The following ZDHHC2 variants were observed in gnomAD, a reference collection of about 807,000 sequenced individuals.
The protein encoded by ZDHHC2 is zDHHC palmitoyltransferase 2, also known as palmitoyltransferase ZDHHC2.
Under a neutral mutation model 55.6 loss-of-function variants are expected in ZDHHC2, and 51 were observed. The observed-to-expected ratio is 0.92, with a 90% CI of 0.73 to 1.16. The LOEUF is 1.16. Ranked by LOEUF, ZDHHC2 falls within the 50% of genes most tolerant of loss-of-function variation. The probability of loss-of-function intolerance (pLI) is 0.00; values close to 1 mark genes in which losing one functional copy is unlikely to be tolerated. For missense variants in ZDHHC2, 491 were observed against 442.4 expected, an observed-to-expected ratio of 1.11 and a Z score of -0.99; for synonymous variants, 199 against 152.9, an observed-to-expected ratio of 1.30 and a Z score of -2.22.
chr8:17,158,419 A>C (rs950764354), intron 1 of ZDHHC2, among the ~76,000 whole-genome samples: 1 of 152,208 alleles, frequency 6.6e-6, no homozygotes, highest in Non-Finnish European at 1.5e-5. Flanking sequence ...GTATTATCAC[A>C]TTAAGCTAAG....
intron 5 of ZDHHC2, among the ~76,000 whole-genome samples, 182 bp from the exon 6 acceptor site, chr8:17,198,199 T>C (rs958599578): frequency 1.3e-5 from 2 of 152,216 alleles, no homozygotes; most frequent in African/African-American, 2.4e-5. Context: ...ATTATAAGAA[T>C]TGGCTATAGG....
intron 10 of ZDHHC2, among the ~76,000 whole-genome samples, chr8:17,211,850 T>C (rs1807398599): frequency 6.6e-6 from 1 of 152,148 alleles, no homozygotes; most frequent in African/African-American, 2.4e-5. Flanking sequence ...GCTAAATGTT[T>C]ATGGTTTTTC....
At chr8:17,183,531 A>C (rs1805542604) in intron 1 of ZDHHC2, among the ~76,000 whole-genome samples, 3 of 152,230 alleles carry the variant, frequency 2.0e-5, no homozygotes, top group Admixed American at 2.0e-4. Context: ...TCTGGAGATC[A>C]GAAATGTTAA....
At position 17,156,710 on chromosome 8, in the gene ZDHHC2, G is replaced by A. The variant is rs1253840612; in HGVS notation, c.-14G>A. Reference sequence around the variant, plus strand: ...GGGCGGCGGCGGAGCTGGGCAGGTGGATGCGGCTGGAAGATGGCGCCCTCG... The same window carrying A: ...GGGCGGCGGCGGAGCTGGGCAGGTGAATGCGGCTGGAAGATGGCGCCCTCG... On this transcript the variant is annotated 5_prime_UTR_variant, in exon 1 of 13. Coordinates refer to ENST00000262096, the MANE Select transcript of ZDHHC2 (RefSeq NM_016353.5). 8 of 1,455,918 alleles carry A rather than the reference G, an allele frequency of 5.5e-6. No homozygotes were observed. The highest frequency in any genetic ancestry group is 1.5e-5 in the African/African-American group (1 of 67,370). 90.2% of individuals were successfully genotyped at this position (1,455,918 alleles called of 1,614,324 possible).
intron 8 of ZDHHC2, among the ~76,000 whole-genome samples, chr8:17,209,431 G>A (rs1807263493): frequency 6.6e-6 from 1 of 152,108 alleles, no homozygotes; most frequent in Admixed American, 6.6e-5. Flanking sequence ...AGGCTACAGT[G>A]AGCTATGATC....
In ZDHHC2 at chr8:17,207,959, G is replaced by T; in HGVS notation, c.598-1G>T. 6.6e-7 allele frequency: 1 copy of T among 1,515,712 alleles called. No homozygotes were observed. The highest frequency in any genetic ancestry group is 8.9e-7 in the Non-Finnish European group (1 of 1,128,800). The allele number at this position is 1,515,712 out of a possible 1,614,324, so 93.9% of individuals were successfully genotyped here. ...ATGTTATTTTCTTCCTTTCTTTATA[G>T]AATGGCCTACCTGATACTCAAGCCA... On this transcript the variant is annotated splice_acceptor_variant, in intron 7 of 12. Coordinates refer to ENST00000262096, the MANE Select transcript of ZDHHC2 (RefSeq NM_016353.5). LOFTEE classifies it high-confidence loss of function.
In ZDHHC2 at chr8:17,204,502, A is replaced by G. The variant is rs1165571907; in HGVS notation, c.477-1153A>G. On this transcript the variant is annotated intron_variant, in intron 6 of 12. Transcript: ENST00000262096. ...CAATTCCACATGGGTGATGTATCAC[A>G]TTGACACAAGGTCATCCAGTAGTGC... is the stretch of plus-strand genomic sequence containing the variant. 2.6e-5 allele frequency among the ~76,000 whole-genome samples: 4 copies of G among 152,380 alleles called. No individual in the cohort carries two copies. In the East Asian group the frequency reaches 5.8e-4, roughly 22 times the overall value.
intron 10 of ZDHHC2, among the ~76,000 whole-genome samples, chr8:17,213,049 C>G (rs1436751071): frequency 6.6e-6 from 1 of 152,004 alleles, no homozygotes; most frequent in Non-Finnish European, 1.5e-5. Context: ...CTTGCTGTTC[C>G]TCACATGGAC....
In ZDHHC2 at chr8:17,223,993, A is replaced by T. The variant is rs1043476530; in HGVS notation, c.*3772A>T. 4 of 151,698 alleles carry T rather than the reference A, an allele frequency of 2.6e-5. No homozygotes were observed. Among genetic ancestry groups the T allele is most frequent in the African/African-American group, 4.8e-5 (2 of 41,410 alleles). 9.4% of individuals were successfully genotyped at this position (151,698 alleles called of 1,614,324 possible). On this transcript the variant is annotated 3_prime_UTR_variant, in exon 13 of 13. Transcript: ENST00000262096. ...TGAATATGAAGTATCTCCCAGAACA[A>T]TGTTGAGTGTTTCAGGAGACTCTGA... is the stretch of plus-strand genomic sequence containing the variant.
At chr8:17,216,500 A>C (rs1395572856) in intron 11 of ZDHHC2, among the ~76,000 whole-genome samples, 2 of 152,200 alleles carry the variant, frequency 1.3e-5, no homozygotes, top group African/African-American at 2.4e-5. Flanking sequence ...GGCATTGCCT[A>C]AACAAAAGTT....
intron 1 of ZDHHC2, among the ~76,000 whole-genome samples, chr8:17,167,245 T>G (rs536587670): frequency 4.8e-4 from 73 of 152,170 alleles, no homozygotes; most frequent in African/African-American, 1.7e-3. Flanking sequence ...CTATTTTGGC[T>G]TTTTACAGTT....
At chr8:17,159,976 G>A (rs925793805) in intron 1 of ZDHHC2, among the ~76,000 whole-genome samples, 5 of 152,070 alleles carry the variant, frequency 3.3e-5, no homozygotes, top group African/African-American at 1.2e-4. Context: ...TTTCCGTCAA[G>A]TAAGATAAAC....
intron 6 of ZDHHC2, among the ~76,000 whole-genome samples, chr8:17,199,491 T>TTTG (rs1806525322): frequency 8.0e-5 from 3 of 37,302 alleles, no homozygotes; most frequent in African/African-American, 8.1e-5. Context: ...CTTCTTCTTC[T>TTTG]TCTTCTTCTT....
intron 3 of ZDHHC2, among the ~76,000 whole-genome samples, chr8:17,190,708 G>GT (rs1191523250): frequency 2.0e-5 from 3 of 151,876 alleles, no homozygotes; most frequent in Admixed American, 6.6e-5. Flanking sequence ...TTTCTTTGTA[G>GT]TTAAAAAAAA....
intron 1 of ZDHHC2, among the ~76,000 whole-genome samples, chr8:17,160,267 C>G (rs774459355): frequency 1.5e-4 from 23 of 152,210 alleles, no homozygotes; most frequent in Non-Finnish European, 3.1e-4. Context: ...TCCACATACA[C>G]TTGTGTAACC....
At chr8:17,172,410 G>T (rs1440745918) in intron 1 of ZDHHC2, among the ~76,000 whole-genome samples, 1 of 152,172 alleles carries the variant, frequency 6.6e-6, no homozygotes, top group African/African-American at 2.4e-5. Context: ...CCGTTTGGTG[G>T]TTGCCAGGGG....
chr8:17,172,349 C>T (rs117088434), intron 1 of ZDHHC2, among the ~76,000 whole-genome samples: 2,824 of 152,246 alleles, frequency 0.019, 39 homozygotes, highest in Middle Eastern at 0.041. Context: ...TTCTCTAACT[C>T]GCTCAAGCAC....
intron 1 of ZDHHC2, among the ~76,000 whole-genome samples, chr8:17,169,806 G>A (rs951991721): frequency 6.6e-6 from 1 of 152,292 alleles, no homozygotes; most frequent in South Asian, 2.1e-4. Flanking sequence ...TGGAGCAGAG[G>A]AAGAGACTCA....
intron 1 of ZDHHC2, among the ~76,000 whole-genome samples, chr8:17,160,563 T>C (rs1804288410): frequency 6.6e-6 from 1 of 152,230 alleles, no homozygotes; most frequent in South Asian, 2.1e-4. Flanking sequence ...TTAGCTGCTG[T>C]AATGCAGATG....
Sources: gnomAD v4.1 joint callset for allele counts (sites outside exome capture counted in the v4.1 genomes callset) on GRCh38, gnomAD v4.1.1 for gene constraint, MANE v1.5 for transcripts, NCBI Gene and HGNC (gene_info 2026-07-23, HGNC 2026-07-21) for gene names.